The following HSD17B4 variants were observed in gnomAD, a reference collection of about 807,000 sequenced individuals.
HSD17B4 encodes the protein hydroxysteroid 17-beta dehydrogenase 4.
Under a neutral mutation model 101.0 loss-of-function variants are expected in HSD17B4, and 70 were observed. That is an observed-to-expected ratio of 0.69 (90% CI 0.57 to 0.85). The LOEUF (loss-of-function observed/expected upper bound fraction) is 0.85. HSD17B4 is among the 40% of genes least tolerant of loss of function. The probability of loss-of-function intolerance (pLI) is 0.00; values close to 1 mark genes in which losing one functional copy is unlikely to be tolerated. For missense variants in HSD17B4, 984 were observed against 892.4 expected (o/e 1.10, Z -1.31); for synonymous variants, 347 against 297.1 (o/e 1.17, Z -1.73).
At position 119,473,969 on chromosome 5, in the gene HSD17B4, T is replaced by G; in HGVS notation, c.174T>G (p.Val58=). The G allele has an allele frequency of 6.2e-7, 1 of 1,612,770 alleles. No individual in the cohort carries two copies. Among genetic ancestry groups the G allele is most frequent in the Non-Finnish European group, 8.5e-7 (1 of 1,178,812 alleles). Residue 58 remains valine, a synonymous_variant, in exon 3 of 24, where the codon GTT becomes GTG. Transcript: ENST00000510025. ...VGKGSLAADK[V]VEEIRRRGGK... ...AAGGCTCCTTAGCTGCTGATAAGGT[T>G]GTTGAAGAAATAAGAAGGAGAGGTG...
At chr5:119,471,343 A>T (rs1337108917) in intron 2 of HSD17B4, among the ~76,000 whole-genome samples, 1 of 152,140 alleles carries the variant, frequency 6.6e-6, no homozygotes, top group African/African-American at 2.4e-5. Flanking sequence ...TTATCATATT[A>T]TACTATCAAA....
At chr5:119,509,487 A>G (rs1204683145) in intron 16 of HSD17B4, 1 of 648,812 alleles carries the variant, frequency 1.5e-6, no homozygotes, top group Non-Finnish European at 2.8e-6. Context: ...ACTTCCACTT[A>G]CTGAATAGTA....
At chr5:119,479,226 C>T (rs1748885667) in intron 8 of HSD17B4, among the ~76,000 whole-genome samples, 1 of 151,794 alleles carries the variant, frequency 6.6e-6, no homozygotes, top group South Asian at 2.1e-4. Flanking sequence ...TCTACCACAT[C>T]GATAAAAACT....
Position 119,462,397 on chromosome 5 carries a change from T to C in HSD17B4, c.112+6029T>C, listed in dbSNP as rs987782108. On this transcript the variant is annotated intron_variant, in intron 2 of 23. Transcript: ENST00000510025. ...CTAGTGTAAATTTTGCCGTTTCTTA[T>C]AGACTTAGGGACCCGTGGTAGGATA... Among the ~76,000 whole-genome samples the C allele has an allele frequency of 2.6e-5, 4 of 151,720 alleles. No homozygotes were observed. The South Asian group carries it at 6.2e-4, about 24-fold the overall frequency.
At chr5:119,466,718 T>C (rs1755847422) in intron 2 of HSD17B4, among the ~76,000 whole-genome samples, 1 of 152,122 alleles carries the variant, frequency 6.6e-6, no homozygotes, top group South Asian at 2.1e-4. Flanking sequence ...CAGTTTTGTT[T>C]ATCTTTTCAA....
rs184866512 is a variant in HSD17B4, at chr5:119,460,983, G to A, written c.112+4615G>A. ...TTAGGGTTAGGAAGGGAGCCAGTGT[G>A]GTTATATAGCGAGCAAGGTCATAAG... On this transcript the variant is annotated intron_variant, in intron 2 of 23. Transcript: ENST00000510025. Among the ~76,000 whole-genome samples, 13 of 152,272 alleles carry A rather than the reference G, an allele frequency of 8.5e-5. No homozygotes were observed. The East Asian group carries it at 2.3e-3, about 27-fold the overall frequency.
chr5:119,542,069 A>G lies in HSD17B4; in HGVS notation c.*75A>G. 1 of 983,282 alleles carries G rather than the reference A, an allele frequency of 1.0e-6. No individual in the cohort carries two copies. Among genetic ancestry groups the G allele is most frequent in the Admixed American group, 1.8e-5 (1 of 54,600 alleles). 60.9% of individuals were successfully genotyped at this position (983,282 alleles called of 1,614,324 possible). The stretch of plus-strand genomic sequence containing the variant: ...ACCCAAATATGCTTGATTATTCTGC[A>G]AAAGTGATTAGAACTAAGATGCAGG... On this transcript the variant is annotated 3_prime_UTR_variant, in exon 24 of 24. Transcript: ENST00000510025.
rs60212630 is a variant in HSD17B4, at chr5:119,520,153, G to GT, written c.1504-5050dup. Among the ~76,000 whole-genome samples the GT allele has an allele frequency of 2.1e-3, 308 of 144,044 alleles. 1 individual carries two copies. The highest frequency in any genetic ancestry group is 3.3e-3 in the African/African-American group (130 of 39,760). The allele number at this position is 144,044 out of a possible 152,430, so 94.5% of individuals were successfully genotyped here. On this transcript the variant is annotated intron_variant, in intron 17 of 23. Coordinates refer to ENST00000510025, the MANE Select transcript of HSD17B4 (RefSeq NM_000414.4). ...ACCATACATTTTATAACTACTACCT[G>GT]TTTTTTTTTTTTTAAACAATGATTT...
At chr5:119,464,161 T>G (rs189824601) in intron 2 of HSD17B4, among the ~76,000 whole-genome samples, 1 of 152,078 alleles carries the variant, frequency 6.6e-6, no homozygotes, top group East Asian at 1.9e-4. Context: ...TGTTGATTGT[T>G]TTTTTGCTGT....
chr5:119,505,704 T>C (rs1751581318), intron 14 of HSD17B4, among the ~76,000 whole-genome samples: 1 of 152,162 alleles, frequency 6.6e-6, no homozygotes, highest in Non-Finnish European at 1.5e-5. Context: ...AGAGATAATT[T>C]GACTTCTTTT....
At chr5:119,494,640 T>G (rs1018297554) in intron 11 of HSD17B4, among the ~76,000 whole-genome samples, 8 of 152,130 alleles carry the variant, frequency 5.3e-5, no homozygotes. Flanking sequence ...TCCTACCACT[T>G]GAGCATCTAA....
At chr5:119,460,628 A>G (rs1384104172) in intron 2 of HSD17B4, among the ~76,000 whole-genome samples, 1 of 152,232 alleles carries the variant, frequency 6.6e-6, no homozygotes, top group Non-Finnish European at 1.5e-5. Flanking sequence ...TTATTCATCT[A>G]ACATGTATTT....
chr5:119,457,228 C>T lies in HSD17B4; in HGVS notation c.112+860C>T, dbSNP rs143970831. The stretch of plus-strand genomic sequence containing the variant: ...TAAGTGCAGGGGGATATGTAGGACC[C>T]AGTACTTATTAGCATATTTCCTGGG... On this transcript the variant is annotated intron_variant, in intron 2 of 23. Transcript: ENST00000510025. 5.1e-3 allele frequency among the ~76,000 whole-genome samples: 778 copies of T among 152,264 alleles called. 2 individuals are homozygous for T. The highest frequency in any genetic ancestry group is 8.3e-3 in the Non-Finnish European group (568 of 68,026).
rs368891060 is a variant in HSD17B4 at position 119,456,256 on chromosome 5, G to A, written c.59-59G>A. On this transcript the variant is annotated intron_variant, in intron 1 of 23. Coordinates refer to ENST00000510025, the MANE Select transcript of HSD17B4 (RefSeq NM_000414.4). ...TCTTTAAATGGGGATTGAGTTGAGC[G>A]GACCAAAAAAATTATGCTGACATTT... 1.8e-4 allele frequency: 200 copies of A among 1,135,400 alleles called. No individual in the cohort carries two copies. The African/African-American group carries it at 2.0e-3, about 12-fold the overall frequency. 70.3% of individuals were successfully genotyped at this position (1,135,400 alleles called of 1,614,324 possible). A position where few individuals can be genotyped will look rare whatever the true frequency, so the allele number is the denominator to read the frequency against.
intron 2 of HSD17B4, among the ~76,000 whole-genome samples, chr5:119,457,641 C>G (rs571911781): frequency 6.8e-6 from 1 of 146,904 alleles, no homozygotes; most frequent in South Asian, 2.2e-4. Flanking sequence ...CCTAAAGACA[C>G]ATGCTGTTAC....
chr5:119,525,414 A>G, intron 18 of HSD17B4, 129 bp downstream of exon 18: 1 of 698,202 alleles, frequency 1.4e-6, no homozygotes, highest in Non-Finnish European at 2.6e-6. Flanking sequence ...TTTATTTATT[A>G]CATTTATGCA....
At chr5:119,514,583 G>C (rs567400696) in intron 16 of HSD17B4, among the ~76,000 whole-genome samples, 12 of 152,110 alleles carry the variant, frequency 7.9e-5, no homozygotes, top group Non-Finnish European at 1.3e-4. Flanking sequence ...ATTTTGTTAA[G>C]ATGGCAAATT....
rs1260141605 is a variant in HSD17B4 at position 119,474,005 on chromosome 5, G to A, written c.210G>A (p.Val70=). 3 of 1,544,854 alleles carry A rather than the reference G, an allele frequency of 1.9e-6. No homozygotes were observed. Among genetic ancestry groups the A allele is most frequent in the African/African-American group, 2.7e-5 (2 of 73,624 alleles). ...EEIRRRGGKA[V]ANYDSVEEGE... is the part of the protein sequence containing the mutation. Reference sequence around the variant, plus strand: ...TAAGAAGGAGAGGTGGAAAAGCAGTGGCCAACTATGGTATGGTATTTGAGA... The same window carrying A: ...TAAGAAGGAGAGGTGGAAAAGCAGTAGCCAACTATGGTATGGTATTTGAGA... The change falls in exon 3 of 24, where the codon GTG becomes GTA. Residue 70 remains valine (V), a synonymous_variant. Transcript: ENST00000510025.
rs879217002 is a variant in HSD17B4 at position 119,509,252 on chromosome 5, A to G, written c.1437+8A>G. On this transcript the variant is annotated splice_region_variant and intron_variant, in intron 16 of 23. Coordinates refer to ENST00000510025, the MANE Select transcript of HSD17B4 (RefSeq NM_000414.4). ...ACATCAGACAAAGTCAAGGTAAGCCATGACTTTGTAAGCAAAATATATGTG... is the reference window on the plus strand; with the variant it reads ...ACATCAGACAAAGTCAAGGTAAGCCGTGACTTTGTAAGCAAAATATATGTG... 2 of 1,490,130 alleles carry G rather than the reference A, an allele frequency of 1.3e-6. No individual in the cohort carries two copies. The highest frequency in any genetic ancestry group is 1.9e-6 in the Non-Finnish European group (2 of 1,066,872). The allele number at this position is 1,490,130 out of a possible 1,614,324, so 92.3% of individuals were successfully genotyped here. A position where few individuals can be genotyped will look rare whatever the true frequency, so the allele number is the denominator to read the frequency against.
Sources: allele counts gnomAD v4.1 joint callset (sites outside exome capture counted in the v4.1 genomes callset), GRCh38; gene constraint gnomAD v4.1.1; transcripts MANE v1.5; gene names NCBI Gene and HGNC (gene_info 2026-07-23, HGNC 2026-07-21).